Variants in DIS3L2 observed in about 807,000 individuals in gnomAD.
The protein encoded by DIS3L2 is DIS3-like exonuclease 2.
In DIS3L2, 34 loss-of-function variants were observed where a neutral mutation model predicts 97.5. The observed-to-expected ratio is 0.35, with a 90% CI of 0.27 to 0.46. DIS3L2 has a LOEUF of 0.46. DIS3L2 is among the 20% of genes least tolerant of loss of function. The probability of loss-of-function intolerance (pLI) is 1.00; values close to 1 mark genes in which losing one functional copy is unlikely to be tolerated. For synonymous variants in DIS3L2, 435 were observed against 445.2 expected (o/e 0.98, Z 0.29); for missense variants, 1,038 against 1,146.0 (o/e 0.91, Z 1.36).
chr2:232,004,242 T>C (rs1465561847), intron 1 of DIS3L2, among the ~76,000 whole-genome samples: 17 of 152,174 alleles, frequency 1.1e-4, no homozygotes, highest in African/African-American at 3.9e-4. Flanking sequence ...CCCGCTAATT[T>C]TTGTATTTTT....
chr2:232,163,967 A>G (rs746057955), intron 9 of DIS3L2, among the ~76,000 whole-genome samples: 3 of 152,304 alleles, frequency 2.0e-5, no homozygotes, highest in South Asian at 2.1e-4. Flanking sequence ...TTCATTATCT[A>G]TGTTGCTTAT....
chr2:232,086,617 A>ATATATATATATATACACATATATATGTG (rs1696637072), intron 5 of DIS3L2, among the ~76,000 whole-genome samples: 2 of 118,840 alleles, frequency 1.7e-5, no homozygotes, highest in African/African-American at 6.6e-5. Context: ...GTGTGTGTAT[A>ATATATATATATATACACATATATATGTG]TATATATATA....
chr2:232,343,297 C>A, intron 13 of DIS3L2: 2 of 1,505,524 alleles, frequency 1.3e-6, no homozygotes, highest in South Asian at 2.5e-5. Flanking sequence ...AAGGCCTAGC[C>A]ACATGAAACC....
chr2:232,035,932 A>G (rs1694938284), intron 5 of DIS3L2, among the ~76,000 whole-genome samples: 1 of 151,672 alleles, frequency 6.6e-6, no homozygotes, highest in East Asian at 1.9e-4. Flanking sequence ...TGCCCTTAAC[A>G]TTTTTTCCTA....
chr2:232,320,532 G>A (rs943822466), intron 14 of DIS3L2, among the ~76,000 whole-genome samples: 1 of 152,146 alleles, frequency 6.6e-6, no homozygotes, highest in Admixed American at 6.5e-5. Flanking sequence ...GGCAAATGTA[G>A]CCTGTCCCAT....
At chr2:232,321,616 G>A (rs1366576778) in intron 14 of DIS3L2, among the ~76,000 whole-genome samples, 3 of 152,154 alleles carry the variant, frequency 2.0e-5, no homozygotes, top group Non-Finnish European at 2.9e-5. Flanking sequence ...CGGCAGTGAC[G>A]CGAAACCAAG....
intron 8 of DIS3L2, among the ~76,000 whole-genome samples, chr2:232,148,817 A>G (rs985917151): frequency 3.1e-4 from 45 of 144,584 alleles, no homozygotes; most frequent in African/African-American, 1.1e-3. Flanking sequence ...AATAATTCCA[A>G]AAAAATAATT....
intron 11 of DIS3L2, among the ~76,000 whole-genome samples, chr2:232,244,453 G>A (rs190182808): frequency 2.1e-4 from 32 of 152,334 alleles, no homozygotes; most frequent in South Asian, 8.3e-4. Context: ...AAAGAAGGGA[G>A]GAAAATGCTG....
chr2:232,080,002 T>C (rs967987166), intron 5 of DIS3L2, among the ~76,000 whole-genome samples: 1 of 152,168 alleles, frequency 6.6e-6, no homozygotes, highest in African/African-American at 2.4e-5. Flanking sequence ...TGATTTGTGT[T>C]TTAAAAGAAA....
chr2:232,007,928 A>G (rs745571574), intron 1 of DIS3L2, among the ~76,000 whole-genome samples: 11 of 152,180 alleles, frequency 7.2e-5, no homozygotes, highest in Non-Finnish European at 1.6e-4. Flanking sequence ...GGTAGAATAC[A>G]CCAGTGAAGA....
chr2:232,230,669 A>G (rs896075980), intron 10 of DIS3L2, among the ~76,000 whole-genome samples: 3 of 152,224 alleles, frequency 2.0e-5, no homozygotes, highest in African/African-American at 7.2e-5. Flanking sequence ...GATGGCATTA[A>G]TAGAGCCATG....
intron 6 of DIS3L2, among the ~76,000 whole-genome samples, chr2:232,125,124 C>T (rs1209893769): frequency 6.6e-6 from 1 of 152,230 alleles, no homozygotes; most frequent in Non-Finnish European, 1.5e-5. Flanking sequence ...GTCCCATTCA[C>T]CTAGCTATTT....
intron 1 of DIS3L2, among the ~76,000 whole-genome samples, chr2:231,969,525 A>G (rs1692832004): frequency 6.6e-6 from 1 of 152,040 alleles, no homozygotes; most frequent in African/African-American, 2.4e-5. Context: ...TGGCCAGGCC[A>G]GCGTCAAACT....
chr2:232,320,445 A>C (rs1269659188), intron 14 of DIS3L2, among the ~76,000 whole-genome samples: 2 of 152,236 alleles, frequency 1.3e-5, no homozygotes, highest in Non-Finnish European at 2.9e-5. Flanking sequence ...CCAACAGATG[A>C]GTCCCAGTGA....
chr2:232,224,317 G>A (rs978581614), intron 10 of DIS3L2, among the ~76,000 whole-genome samples: 1 of 152,144 alleles, frequency 6.6e-6, no homozygotes, highest in Admixed American at 6.5e-5. Context: ...AATTGGTTTT[G>A]ACCCCTACTT....
At chr2:231,983,716 C>T (rs1388917432) in intron 1 of DIS3L2, among the ~76,000 whole-genome samples, 6 of 152,024 alleles carry the variant, frequency 3.9e-5, no homozygotes, top group South Asian at 4.2e-4. Context: ...CGTTGAAACA[C>T]GTCTCTGCTA....
At chr2:232,170,028 C>T (rs1008126321) in intron 9 of DIS3L2, among the ~76,000 whole-genome samples, 4 of 152,166 alleles carry the variant, frequency 2.6e-5, no homozygotes, top group Admixed American at 2.6e-4. Flanking sequence ...ACCTTCAGCT[C>T]TAGTCTCTGG....
chr2:232,243,819 G>A (rs1233432235), intron 11 of DIS3L2, among the ~76,000 whole-genome samples: 12 of 152,134 alleles, frequency 7.9e-5, no homozygotes, highest in South Asian at 2.1e-4. Flanking sequence ...TCCTTCTCCC[G>A]CTTCCCTGTG....
chr2:232,132,091 G>A (rs12463417), intron 7 of DIS3L2, among the ~76,000 whole-genome samples: 16,352 of 152,048 alleles, frequency 0.11, 1,092 homozygotes, highest in African/African-American at 0.19. Flanking sequence ...TCAGAGCTGA[G>A]TAGAGGCAGC....
Sources: allele counts gnomAD v4.1 joint callset (sites outside exome capture counted in the v4.1 genomes callset), GRCh38; gene constraint gnomAD v4.1.1; transcripts MANE v1.5; gene names NCBI Gene and HGNC (gene_info 2026-07-23, HGNC 2026-07-21).